Variants in RBPJ observed in about 807,000 individuals in gnomAD.
RBPJ encodes recombination signal binding protein for immunoglobulin kappa J region.
In RBPJ, 9 loss-of-function variants were observed where a neutral mutation model predicts 67.8. The ratio of observed to expected loss-of-function variants is 0.13; its 90% confidence interval spans 0.08 to 0.23. RBPJ has a LOEUF of 0.23. Among genes scored for constraint, RBPJ ranks in the 10% least tolerant of loss-of-function variants. RBPJ has a pLI of 1.00. For missense variants in RBPJ, 305 were observed against 595.6 expected (o/e 0.51, Z 5.08); for synonymous variants, 198 against 203.3 (o/e 0.97, Z 0.22).
At chr4:26,110,264 G>T in the RBPJ span, among the ~76,000 whole-genome samples, 1 of 152,180 alleles carries the variant, frequency 6.6e-6, no homozygotes, top group Non-Finnish European at 1.5e-5. The surrounding 1 kb of genome is among the most constrained non-coding windows in gnomAD (Gnocchi z 4.5). Flanking sequence ...TTGGGGTCCA[G>T]CATAGGGGGA....
intron 1 of RBPJ, among the ~76,000 whole-genome samples, chr4:26,202,554 C>A (rs188923725): frequency 3.3e-5 from 5 of 151,408 alleles, no homozygotes; most frequent in Non-Finnish European, 5.9e-5. Context: ...ACTATCAATT[C>A]TCTCTTTTTA....
chr4:26,375,148 A>G lies in RBPJ; in HGVS notation c.21-11205A>G, dbSNP rs531175634. ...TGAAACCCTGTTTCTGCAAAAAAAT[A>G]CAAAAATTAGGTGGCCATGGTGGCT... On this transcript the variant is annotated intron_variant, in intron 1 of 10. Coordinates refer to ENST00000355476, the MANE Select transcript of RBPJ (RefSeq NM_015874.6). Among the ~76,000 whole-genome samples the G allele has an allele frequency of 2.2e-4, 34 of 152,224 alleles. No individual in the cohort carries two copies. The South Asian group carries it at 5.8e-3, about 26-fold the overall frequency.
chr4:26,192,099 C>T (rs186434571), intron 1 of RBPJ, among the ~76,000 whole-genome samples: 392 of 151,398 alleles, frequency 2.6e-3, no homozygotes, highest in Non-Finnish European at 4.0e-3. Flanking sequence ...ACCTCTGCCT[C>T]CCAGGTTCAA....
chr4:26,153,330 TAG>T, the RBPJ span, among the ~76,000 whole-genome samples: 16 of 152,218 alleles, frequency 1.1e-4, no homozygotes, highest in Middle Eastern at 3.4e-3. Flanking sequence ...AGTGAAAAAA[TAG>T]AGTGTTCAGG....
chr4:26,391,233 G>C (rs1425907339), intron 2 of RBPJ, among the ~76,000 whole-genome samples: 1 of 152,152 alleles, frequency 6.6e-6, no homozygotes, highest in Non-Finnish European at 1.5e-5. Flanking sequence ...ACACTGCCTG[G>C]TTTCAAAGCT....
chr4:26,388,088 A>G (rs1731100378), intron 2 of RBPJ, among the ~76,000 whole-genome samples: 1 of 152,246 alleles, frequency 6.6e-6, no homozygotes, highest in South Asian at 2.1e-4. Flanking sequence ...AACAAGAAAA[A>G]TCAGTGAATC....
intron 4 of RBPJ, among the ~76,000 whole-genome samples, chr4:26,417,763 C>A (rs1349663427): frequency 6.6e-6 from 1 of 152,222 alleles, no homozygotes; most frequent in Non-Finnish European, 1.5e-5. Flanking sequence ...GTCTGCCTCA[C>A]TTAAACTCCA....
intron 4 of RBPJ, among the ~76,000 whole-genome samples, chr4:26,419,967 C>A (rs1269387267): frequency 6.6e-6 from 1 of 152,002 alleles, no homozygotes; most frequent in South Asian, 2.1e-4. Flanking sequence ...AAAAATAGTT[C>A]TTTAAAGTAA....
At chr4:26,414,403 A>G (rs1345834310) in intron 3 of RBPJ, among the ~76,000 whole-genome samples, 1 of 152,142 alleles carries the variant, frequency 6.6e-6, no homozygotes, top group Non-Finnish European at 1.5e-5. Context: ...TCCTGGGCTC[A>G]AGCAGTCCGC....
At chr4:26,343,435 G>T (rs1725754064) in intron 1 of RBPJ, among the ~76,000 whole-genome samples, 1 of 152,120 alleles carries the variant, frequency 6.6e-6, no homozygotes, top group African/African-American at 2.4e-5. Context: ...ACTGCCTAAA[G>T]ATATAAATAT....
intron 2 of RBPJ, among the ~76,000 whole-genome samples, chr4:26,389,529 G>C (rs1347804541): frequency 6.8e-6 from 1 of 147,428 alleles, no homozygotes; most frequent in Non-Finnish European, 1.5e-5. Flanking sequence ...ATAGGCCTTA[G>C]CTACAGTGTT....
chr4:26,156,714 C>CA, the RBPJ span, among the ~76,000 whole-genome samples: 1 of 152,056 alleles, frequency 6.6e-6, no homozygotes, highest in African/African-American at 2.4e-5. Context: ...GTCGGCCTCC[C>CA]AAAGTGCTGG....
chr4:26,304,338 C>T (rs1196713707), intron 1 of RBPJ, among the ~76,000 whole-genome samples: 8 of 152,192 alleles, frequency 5.3e-5, no homozygotes, highest in East Asian at 1.9e-4. Context: ...GACGTGTTTT[C>T]GGTTCTCTTA....
At chr4:26,406,329 T>C in intron 3 of RBPJ, 59 bp downstream of exon 3, 6 of 1,043,796 alleles carry the variant, frequency 5.7e-6, no homozygotes, top group Non-Finnish European at 9.0e-6. Flanking sequence ...TTGCCAATTA[T>C]GTATTAATAT....
chr4:26,377,016 C>A (rs1473408705), intron 1 of RBPJ, among the ~76,000 whole-genome samples: 1 of 152,030 alleles, frequency 6.6e-6, no homozygotes, highest in East Asian at 1.9e-4. Context: ...TTTATAAAAT[C>A]CTGTATCGAT....
At chr4:26,403,279 T>G (rs570089870) in intron 2 of RBPJ, among the ~76,000 whole-genome samples, 16 of 151,994 alleles carry the variant, frequency 1.1e-4, no homozygotes, top group Non-Finnish European at 2.1e-4. Context: ...CTTTAAAGAT[T>G]TTACTACACG....
intron 1 of RBPJ, among the ~76,000 whole-genome samples, chr4:26,323,578 T>G (rs1354404964): frequency 6.6e-6 from 1 of 152,212 alleles, no homozygotes; most frequent in Non-Finnish European, 1.5e-5. Context: ...TGCTGATGGA[T>G]CTGTGAGTAT....
intron 1 of RBPJ, among the ~76,000 whole-genome samples, chr4:26,212,700 T>A (rs907337839): frequency 6.6e-6 from 1 of 152,082 alleles, no homozygotes; most frequent in Non-Finnish European, 1.5e-5. Context: ...TCTTGCCCCA[T>A]ACGCAGCAGA....
upstream of RBPJ, among the ~76,000 whole-genome samples, chr4:26,318,183 GGTTTCCTA>G (rs1490630718): frequency 6.6e-6 from 1 of 151,646 alleles, no homozygotes; most frequent in Non-Finnish European, 1.5e-5. Flanking sequence ...TAAAAACCAG[GGTTTCCTA>G]TTAGAGAACT....
Sources: gnomAD v4.1 joint callset for allele counts (sites outside exome capture counted in the v4.1 genomes callset) on GRCh38, gnomAD v4.1.1 for gene constraint, Gnocchi (gnomAD v3.1) non-coding constraint, MANE v1.5 for transcripts, NCBI Gene and HGNC (gene_info 2026-07-23, HGNC 2026-07-21) for gene names.